FAM8A1: variants seen among roughly 807,000 people sequenced by gnomAD.
FAM8A1 encodes family with sequence similarity 8 member A1, also known as protein FAM8A1.
Under a neutral mutation model 38.3 loss-of-function variants are expected in FAM8A1, and 18 were observed. That is an observed-to-expected ratio of 0.47 (90% CI 0.33 to 0.70). The LOEUF (loss-of-function observed/expected upper bound fraction) is 0.70, where lower values mean the gene tolerates loss of function less well. Among genes scored for constraint, FAM8A1 ranks in the 30% least tolerant of loss-of-function variants. The pLI is 0.03. For synonymous variants in FAM8A1, 246 were observed against 234.4 expected (o/e 1.05, Z -0.45); for missense variants, 559 against 559.6 (o/e 1.00, Z 0.01).
rs748063593 is a variant in FAM8A1 at position 17,608,205 on chromosome 6, C to T, written c.1108C>T (p.Arg370Ter). ...SNVSITTSTIRALIKNFSIAS... is the reference protein window; with the variant it reads ...SNVSITTSTI ...GTTTTAACTTTTTAGGTCCACTATC[C>T]GAGCTTTGATCAAGAATTTTTCAAT... is the stretch of plus-strand genomic sequence containing the variant. The change falls in exon 5 of 5, where the codon CGA becomes TGA. Residue 370 changes from arginine to a stop codon, truncating the protein, a stop_gained. Coordinates refer to ENST00000259963, the MANE Select transcript of FAM8A1 (RefSeq NM_016255.3). LOFTEE classifies it high-confidence loss of function. 19 of 1,613,512 alleles carry T rather than the reference C, an allele frequency of 1.2e-5. No homozygotes were observed. Among genetic ancestry groups the T allele is most frequent in the Non-Finnish European group, 1.6e-5 (19 of 1,179,752 alleles).
intron 4 of FAM8A1, among the ~76,000 whole-genome samples, chr6:17,607,468 C>CTATCTATATACTACAGGTAG (rs1764070714): frequency 7.1e-6 from 1 of 141,542 alleles, no homozygotes; most frequent in Admixed American, 7.1e-5. Flanking sequence ...TAGGTAGTCT[C>CTATCTATATACTACAGGTAG]TATCTATATA....
At position 17,611,419 on chromosome 6, in the gene FAM8A1, GT is replaced by G. The variant is rs1764144636; in HGVS notation, c.*3083del. On this transcript the variant is annotated 3_prime_UTR_variant, in exon 5 of 5. Coordinates refer to ENST00000259963, the MANE Select transcript of FAM8A1 (RefSeq NM_016255.3). Reference sequence around the variant, plus strand: ...CTTATCCCTATTAAAACAGGCAGTTGTTTCTTTGAATATGCCTAAATAACAG... The same window carrying G: ...CTTATCCCTATTAAAACAGGCAGTTGTTCTTTGAATATGCCTAAATAACAG... 1 of 152,562 alleles carries G rather than the reference GT, an allele frequency of 6.6e-6. No individual in the cohort carries two copies. The highest frequency in any genetic ancestry group is 6.6e-5 in the Admixed American group (1 of 15,266). 9.5% of individuals were successfully genotyped at this position (152,562 alleles called of 1,614,324 possible).
intron 4 of FAM8A1, among the ~76,000 whole-genome samples, chr6:17,606,686 A>G (rs1296578206): frequency 6.6e-6 from 1 of 152,062 alleles, no homozygotes; most frequent in Non-Finnish European, 1.5e-5. Flanking sequence ...TAGGCAGCAG[A>G]GTTTTGACAG....
intron 2 of FAM8A1, among the ~76,000 whole-genome samples, chr6:17,604,191 G>C (rs1220286110): frequency 6.6e-6 from 1 of 151,920 alleles, no homozygotes; most frequent in East Asian, 1.9e-4. Flanking sequence ...GATTACATGC[G>C]TGAGCCACCA....
rs1399214329 is a variant in FAM8A1, at chr6:17,608,321, A to T, written c.1224A>T (p.Lys408Asn). 1 of 1,611,824 alleles carries T rather than the reference A, an allele frequency of 6.2e-7. No homozygotes were observed. Among genetic ancestry groups the T allele is most frequent in the East Asian group, 2.2e-5 (1 of 44,852 alleles). Residue 408 changes from lysine to asparagine, a missense_variant, in exon 5 of 5, where the codon AAA (lysine) becomes AAT (asparagine). Coordinates refer to ENST00000259963, the MANE Select transcript of FAM8A1 (RefSeq NM_016255.3). Reference sequence around the variant, plus strand: ...TTGTAGCAGGAACCATTGTGGTAAAAAGAAATGGGGTCAGATGATGCCCCC... The same window carrying T: ...TTGTAGCAGGAACCATTGTGGTAAATAGAAATGGGGTCAGATGATGCCCCC... ...YDIVAGTIVVKRNGVR is the reference protein window; with the variant it reads ...YDIVAGTIVVNRNGVR
intron 4 of FAM8A1, among the ~76,000 whole-genome samples, chr6:17,607,725 T>C (rs557424467): frequency 2.6e-5 from 4 of 152,308 alleles, no homozygotes; most frequent in East Asian, 1.9e-4. Flanking sequence ...TGAGTGATTG[T>C]TGAAAGCTTT....
rs939374504 is a variant in FAM8A1, at chr6:17,600,913, G to A, written c.504G>A (p.Gln168=). Residue 168 remains glutamine (Q), a synonymous_variant, in exon 1 of 5, where the codon CAG becomes CAA. Transcript: ENST00000259963. ...VPQAAAPPPP[Q]LGYYNPFYFL... ...AGGCCGCGGCGCCGCCGCCCCCGCA[G>A]CTGGGCTATTACAACCCCTTCTACT... The A allele has an allele frequency of 1.3e-6, 2 of 1,594,712 alleles. No homozygotes were observed. The highest frequency in any genetic ancestry group is 3.5e-5 in the Admixed American group (2 of 57,210).
At position 17,609,014 on chromosome 6, in the gene FAM8A1, G is replaced by A. The variant is rs1396984825; in HGVS notation, c.*675G>A. 1.3e-5 allele frequency: 2 copies of A among 152,028 alleles called. No homozygotes were observed. The highest frequency in any genetic ancestry group is 1.3e-4 in the Admixed American group (2 of 15,266). The allele number at this position is 152,028 out of a possible 1,614,324, so 9.4% of individuals were successfully genotyped here. ...GCAAGTTTCTCATGATGATGAAAAA[G>A]TATCAAGTCATATTGCTATGTTAAT... On this transcript the variant is annotated 3_prime_UTR_variant, in exon 5 of 5. Coordinates refer to ENST00000259963, the MANE Select transcript of FAM8A1 (RefSeq NM_016255.3).
In FAM8A1 at chr6:17,609,190, A is replaced by C. The variant is rs1764100746; in HGVS notation, c.*851A>C. 6.6e-6 allele frequency: 1 copy of C among 152,180 alleles called. No individual in the cohort carries two copies. Among genetic ancestry groups the C allele is most frequent in the South Asian group, 2.1e-4 (1 of 4,830 alleles). 9.4% of individuals were successfully genotyped at this position (152,180 alleles called of 1,614,324 possible). ...TGGGGAGAAATCACCTCCATCAAAC[A>C]GTTGCATATTTACTGTAAAAGTATT... On this transcript the variant is annotated 3_prime_UTR_variant, in exon 5 of 5. Transcript: ENST00000259963.
chr6:17,606,095 G>T, intron 4 of FAM8A1, 82 bp downstream of exon 4: 1 of 1,030,444 alleles, frequency 9.7e-7, no homozygotes. Flanking sequence ...TTTCTTCATA[G>T]TAGATAGGCT....
intron 2 of FAM8A1, among the ~76,000 whole-genome samples, chr6:17,604,205 T>C (rs555164066): frequency 5.3e-5 from 8 of 152,090 alleles, no homozygotes; most frequent in Non-Finnish European, 1.2e-4. Flanking sequence ...GCCACCATGC[T>C]CAGCCCCTTC....
At position 17,600,520 on chromosome 6, in the gene FAM8A1, A is replaced by T. The variant is rs766005527; in HGVS notation, c.111A>T (p.Pro37=). 2.6e-6 allele frequency: 4 copies of T among 1,535,070 alleles called. No individual in the cohort carries two copies. The highest frequency in any genetic ancestry group is 2.1e-4 in the Middle Eastern group (1 of 4,704). ...GAGGCCCTCCTACCACCGCCGTCCC[A>T]TGCCCCCGCGACGACCCCCAGGCCG... ...SLRGPPTTAV[P]CPRDDPQAEP... The change falls in exon 1 of 5, where the codon CCA becomes CCT. Residue 37 remains proline, a synonymous_variant. Coordinates refer to ENST00000259963, the MANE Select transcript of FAM8A1 (RefSeq NM_016255.3).
rs915397573 is a variant in FAM8A1 at position 17,600,563 on chromosome 6, C to T, written c.154C>T (p.Arg52Trp). 25 of 1,498,498 alleles carry T rather than the reference C, an allele frequency of 1.7e-5. No homozygotes were observed. The highest frequency in any genetic ancestry group is 2.2e-5 in the Non-Finnish European group (25 of 1,128,180). 92.8% of individuals were successfully genotyped at this position (1,498,498 alleles called of 1,614,324 possible). A position where few individuals can be genotyped will look rare whatever the true frequency, so the allele number is the denominator to read the frequency against. ...DPQAEPQAPG[R>W]PTAPGLAAAA... is the part of the protein sequence containing the mutation. ...CCAGGCCGAACCCCAGGCCCCGGGC[C>T]GGCCCACAGCCCCGGGCCTCGCGGC... Residue 52 changes from arginine (R) to tryptophan (W), a missense_variant, in exon 1 of 5, where the codon CGG becomes TGG. Around this residue, in one of 2 missense-constraint regions of FAM8A1, gnomAD observed 393 missense variants for 338.9 expected, o/e 1.16. Coordinates refer to ENST00000259963, the MANE Select transcript of FAM8A1 (RefSeq NM_016255.3).
In FAM8A1 at chr6:17,600,643, G is replaced by A; in HGVS notation, c.234G>A (p.Glu78=). 2 of 1,544,782 alleles carry A rather than the reference G, an allele frequency of 1.3e-6. No homozygotes were observed. Among genetic ancestry groups the A allele is most frequent in the Non-Finnish European group, 1.7e-6 (2 of 1,151,760 alleles). Residue 78 remains glutamate, a synonymous_variant, in exon 1 of 5, where the codon GAG becomes GAA. Transcript: ENST00000259963. ...CGCGCGAGCTCAGGAAGCGCGGGGA[G>A]GCGGCCTCCGGCTCCGGTGCAGAGC... is the stretch of plus-strand genomic sequence containing the variant. ...EPPRELRKRG[E]AASGSGAELQ...
chr6:17,605,208 G>A (rs948385549), intron 3 of FAM8A1, among the ~76,000 whole-genome samples, 179 bp downstream of exon 3: 1 of 152,166 alleles, frequency 6.6e-6, no homozygotes, highest in Non-Finnish European at 1.5e-5. Context: ...AGCCTCCTGA[G>A]TAGGTGGGAC....
Position 17,610,664 on chromosome 6 carries a change from T to C in FAM8A1, c.*2325T>C, listed in dbSNP as rs1764128772. 6.6e-6 allele frequency: 1 copy of C among 152,176 alleles called. No homozygotes were observed. The highest frequency in any genetic ancestry group is 1.5e-5 in the Non-Finnish European group (1 of 67,996). 9.4% of individuals were successfully genotyped at this position (152,176 alleles called of 1,614,324 possible). On this transcript the variant is annotated 3_prime_UTR_variant, in exon 5 of 5. Coordinates refer to ENST00000259963, the MANE Select transcript of FAM8A1 (RefSeq NM_016255.3). ...CTTTATTATATTTCACTTATAGACC[T>C]GATTTTCTGTGTCAAAGTATAATTC...
chr6:17,607,621 T>C (rs1764074693), intron 4 of FAM8A1, among the ~76,000 whole-genome samples: 1 of 152,152 alleles, frequency 6.6e-6, no homozygotes, highest in African/African-American at 2.4e-5. Flanking sequence ...CTAGTCTGGA[T>C]TCAGAACCCA....
At chr6:17,601,854 G>C (rs1056656708) in intron 1 of FAM8A1, among the ~76,000 whole-genome samples, 1 of 151,786 alleles carries the variant, frequency 6.6e-6, no homozygotes, top group Non-Finnish European at 1.5e-5. Flanking sequence ...AAACGGGTGG[G>C]GGGGGATTAC....
intron 4 of FAM8A1, among the ~76,000 whole-genome samples, chr6:17,606,312 T>TGCCTCAGCCTCCC (rs1764052996): frequency 6.6e-6 from 1 of 151,642 alleles, no homozygotes; most frequent in East Asian, 1.9e-4. Flanking sequence ...GCCATTCTCC[T>TGCCTCAGCCTCCC]GCCTCAGCCT....
Sources: allele counts gnomAD v4.1 joint callset (sites outside exome capture counted in the v4.1 genomes callset), GRCh38; gene constraint gnomAD v4.1.1; regional missense constraint gnomAD v4.1.1; transcripts MANE v1.5; gene names NCBI Gene and HGNC (gene_info 2026-07-23, HGNC 2026-07-21).